FAM3D: variants seen among roughly 807,000 people sequenced by gnomAD.
The protein encoded by FAM3D is protein FAM3D.
A neutral mutation model predicts 29.8 loss-of-function variants in FAM3D; 26 were observed. The observed-to-expected ratio is 0.87, with a 90% CI of 0.64 to 1.21. The LOEUF (loss-of-function observed/expected upper bound fraction) is 1.21. Among genes scored for constraint, FAM3D ranks in the 50% most tolerant of loss-of-function variants. FAM3D has a pLI of 0.00. For synonymous variants in FAM3D, 115 were observed against 102.3 expected (o/e 1.12, Z -0.75); for missense variants, 253 against 290.9 (o/e 0.87, Z 0.95).
intron 1 of FAM3D, among the ~76,000 whole-genome samples, chr3:58,661,161 T>C (rs2066921324): frequency 1.3e-5 from 2 of 152,224 alleles, no homozygotes; most frequent in African/African-American, 4.8e-5. Context: ...GGCCGCTGCA[T>C]TTGACCTGCG....
intron 3 of FAM3D, 196 bp from the exon 4 acceptor site, chr3:58,649,534 CAT>C (rs1286778221): frequency 8.0e-6 from 5 of 622,132 alleles, no homozygotes; most frequent in African/African-American, 1.8e-5. Flanking sequence ...CACAGATACA[CAT>C]GTGTACACAC....
In FAM3D at chr3:58,637,213, A is replaced by G. The variant is rs2066198235; in HGVS notation, c.386T>C (p.Leu129Pro). 8 of 1,613,234 alleles carry G rather than the reference A, an allele frequency of 5.0e-6. No individual in the cohort carries two copies. The highest frequency in any genetic ancestry group is 5.9e-6 in the Non-Finnish European group (7 of 1,179,678). Reference sequence around the variant, plus strand: ...CGGAATTTCTTTAAGGAATTTCACTAGGTGCATAACATCTGGGGGAGGAAG... The same window carrying G: ...CGGAATTTCTTTAAGGAATTTCACTGGGTGCATAACATCTGGGGGAGGAAG... ...FDMYSGDVMH[L>P]VKFLKEIPGG... The change falls in exon 8 of 10, where the codon CTA (leucine) becomes CCA (proline). Residue 129 changes from leucine (L) to proline (P), a missense_variant. Leu to Pro is a moderately conservative substitution (Grantham distance 98, BLOSUM62 -3). Transcript: ENST00000358781.
chr3:58,650,801 T>C (rs1313238072), intron 3 of FAM3D, among the ~76,000 whole-genome samples: 12 of 152,192 alleles, frequency 7.9e-5, no homozygotes. Context: ...CACTGCAAGC[T>C]CCGCCTCCCG....
intron 3 of FAM3D, among the ~76,000 whole-genome samples, chr3:58,649,624 G>T (rs1420396825): frequency 1.3e-5 from 2 of 151,930 alleles, no homozygotes; most frequent in Non-Finnish European, 2.9e-5. Context: ...AGACACACAG[G>T]TATGGTCACA....
intron 1 of FAM3D, among the ~76,000 whole-genome samples, chr3:58,659,343 A>G (rs2066888312): frequency 6.6e-6 from 1 of 152,186 alleles, no homozygotes; most frequent in Non-Finnish European, 1.5e-5. Context: ...CATTTCTTAA[A>G]GGCCCTACAG....
At chr3:58,651,326 TGC>T (rs1434107276) in intron 3 of FAM3D, among the ~76,000 whole-genome samples, 1 of 152,258 alleles carries the variant, frequency 6.6e-6, no homozygotes, top group Non-Finnish European at 1.5e-5. Flanking sequence ...TGAGGGTATG[TGC>T]ACTCAGGTTA....
At position 58,646,307 on chromosome 3, in the gene FAM3D, T is replaced by G. The variant is rs555616777; in HGVS notation, c.146-681A>C. On this transcript the variant is annotated intron_variant, in intron 4 of 9. Transcript: ENST00000358781. ...TTCTCCCACTGGGAGCTCAGCACGGTGTTGGGAGCCCACTGGGTACTCACT... is the reference window on the plus strand; with the variant it reads ...TTCTCCCACTGGGAGCTCAGCACGGGGTTGGGAGCCCACTGGGTACTCACT... 4.6e-5 allele frequency among the ~76,000 whole-genome samples: 7 copies of G among 152,222 alleles called. No homozygotes were observed. The East Asian group carries it at 1.4e-3, about 29-fold the overall frequency.
At chr3:58,661,714 C>T (rs1043523689) in intron 1 of FAM3D, among the ~76,000 whole-genome samples, 7 of 152,180 alleles carry the variant, frequency 4.6e-5, no homozygotes, top group Middle Eastern at 3.2e-3. Flanking sequence ...ACATGGCCAT[C>T]ACGATCTCTA....
chr3:58,665,851 T>G (rs2067019822), intron 1 of FAM3D, among the ~76,000 whole-genome samples: 1 of 152,256 alleles, frequency 6.6e-6, no homozygotes, highest in South Asian at 2.1e-4. Flanking sequence ...CATGTTATTT[T>G]ATGTACTTCA....
chr3:58,651,846 G>A (rs1224525650), intron 3 of FAM3D, among the ~76,000 whole-genome samples: 1 of 151,858 alleles, frequency 6.6e-6, no homozygotes, highest in African/African-American at 2.4e-5. Flanking sequence ...GGGGCGCGGG[G>A]GTGGGGACAC....
chr3:58,663,282 G>A (rs148100805), intron 1 of FAM3D, among the ~76,000 whole-genome samples: 1 of 152,298 alleles, frequency 6.6e-6, no homozygotes, highest in Non-Finnish European at 1.5e-5. Flanking sequence ...ACTCTGAACT[G>A]GAGATGTTAT....
chr3:58,636,769 G>GT (rs10707711), intron 8 of FAM3D, among the ~76,000 whole-genome samples: 1 of 151,980 alleles, frequency 6.6e-6, no homozygotes. Flanking sequence ...TCCATACAGT[G>GT]TTTTTTTTTC....
chr3:58,665,637 A>G (rs983363405), intron 1 of FAM3D, among the ~76,000 whole-genome samples: 2 of 152,086 alleles, frequency 1.3e-5, no homozygotes, highest in Non-Finnish European at 2.9e-5. Flanking sequence ...CCAGCCATGG[A>G]CTCAGAATCC....
chr3:58,652,368 G>GTCCA (rs1214826683), intron 3 of FAM3D, among the ~76,000 whole-genome samples: 30 of 79,720 alleles, frequency 3.8e-4, no homozygotes, highest in East Asian at 5.5e-4. Flanking sequence ...CCTTCCACCT[G>GTCCA]TCCATCCATT....
chr3:58,653,881 G>A, intron 2 of FAM3D, 100 bp from the exon 3 acceptor site: 2 of 868,318 alleles, frequency 2.3e-6, no homozygotes, highest in Non-Finnish European at 3.9e-6. Context: ...CCATGCTATA[G>A]GCTCAGACCA....
chr3:58,639,956 GT>G (rs1227147281), intron 7 of FAM3D, among the ~76,000 whole-genome samples, 170 bp downstream of exon 7: 1 of 152,212 alleles, frequency 6.6e-6, no homozygotes, highest in East Asian at 1.9e-4. Flanking sequence ...GCCAGAAGGA[GT>G]TTCGAAAGCA....
chr3:58,652,862 G>GTCCATCCATCCATCCATCCA (rs745543889), intron 3 of FAM3D, among the ~76,000 whole-genome samples: 2 of 145,816 alleles, frequency 1.4e-5, no homozygotes, highest in African/African-American at 5.2e-5. Flanking sequence ...CCATCCATCT[G>GTCCATCCATCCATCCATCCA]TCCATCCATC....
At chr3:58,666,537 C>A (rs1277743865) in intron 1 of FAM3D, 39 bp downstream of exon 1, 1 of 152,210 alleles carries the variant, frequency 6.6e-6, no homozygotes, top group Non-Finnish European at 1.5e-5. Context: ...ATCATGTGTA[C>A]CTGGAACCAT....
At chr3:58,641,369 CT>C (rs879476790) in intron 6 of FAM3D, among the ~76,000 whole-genome samples, 166 of 144,516 alleles carry the variant, frequency 1.1e-3, no homozygotes, top group African/African-American at 1.2e-3. Context: ...TGCTTAACCT[CT>C]TTTTTTTTTT....
Sources: allele counts gnomAD v4.1 joint callset (sites outside exome capture counted in the v4.1 genomes callset), GRCh38; gene constraint gnomAD v4.1.1; transcripts MANE v1.5; gene names NCBI Gene and HGNC (gene_info 2026-07-23, HGNC 2026-07-21).